Variants in FAM185A observed in about 807,000 individuals in gnomAD.
FAM185A encodes protein FAM185A.
FAM185A carries 21 observed loss-of-function variants against 45.7 expected under a neutral mutation model. That is an observed-to-expected ratio of 0.46 (90% CI 0.33 to 0.66). The LOEUF is 0.66. Ranked by LOEUF, FAM185A falls within the 30% of genes least tolerant of loss-of-function variation. The probability of loss-of-function intolerance (pLI) is 0.03; values close to 1 mark genes in which losing one functional copy is unlikely to be tolerated. For synonymous variants in FAM185A, 117 were observed against 194.0 expected (o/e 0.60, Z 3.30); for missense variants, 305 against 485.4 (o/e 0.63, Z 3.49).
At chr7:102,835,988 A>G in the FAM185A span, among the ~76,000 whole-genome samples, 2 of 152,214 alleles carry the variant, frequency 1.3e-5, no homozygotes, top group Non-Finnish European at 2.9e-5. Context: ...GAGAAAAATT[A>G]AAGCAAGAAA....
chr7:102,833,079 T>C, the FAM185A span: 1 of 1,213,366 alleles, frequency 8.2e-7, no homozygotes, highest in South Asian at 1.6e-5. Context: ...GAAATACAGA[T>C]GTTAGATCTT....
chr7:102,810,927 ACTT>A (rs1364572344), downstream of FAM185A, among the ~76,000 whole-genome samples: 2 of 152,100 alleles, frequency 1.3e-5, no homozygotes, highest in African/African-American at 4.8e-5. Context: ...TCTGTTTTTA[ACTT>A]CTTATTTATG....
chr7:102,789,951 C>T (rs1796050724), intron 7 of FAM185A, among the ~76,000 whole-genome samples: 2 of 152,160 alleles, frequency 1.3e-5, no homozygotes, highest in Non-Finnish European at 1.5e-5. Flanking sequence ...TCACTTTCAC[C>T]TCCACATCTT....
the FAM185A span, among the ~76,000 whole-genome samples, chr7:102,850,560 T>C: frequency 6.6e-6 from 1 of 152,226 alleles, no homozygotes; most frequent in South Asian, 2.1e-4. Flanking sequence ...ATCATATTCA[T>C]AGATAAAACT....
At chr7:102,792,449 CT>C (rs1796192721) in intron 7 of FAM185A, among the ~76,000 whole-genome samples, 1 of 103,284 alleles carries the variant, frequency 9.7e-6, no homozygotes, top group South Asian at 3.8e-4. Flanking sequence ...TTGTGAGTGG[CT>C]TAGGTAAGAT....
At chr7:102,756,327 T>C (rs928476468) in intron 2 of FAM185A, among the ~76,000 whole-genome samples, 2 of 152,124 alleles carry the variant, frequency 1.3e-5, no homozygotes, top group Non-Finnish European at 2.9e-5. Context: ...ACTAAAGACA[T>C]ATATAATGAT....
intron 7 of FAM185A, among the ~76,000 whole-genome samples, chr7:102,787,721 T>C (rs1795894919): frequency 1.3e-5 from 2 of 152,268 alleles, no homozygotes; most frequent in Non-Finnish European, 2.9e-5. Context: ...TTAAATTTTC[T>C]AGAAGAGCTG....
intron 7 of FAM185A, among the ~76,000 whole-genome samples, chr7:102,800,624 A>C (rs1341843968): frequency 1.3e-5 from 2 of 152,082 alleles, no homozygotes; most frequent in Non-Finnish European, 2.9e-5. Flanking sequence ...AATAGAATTG[A>C]ATAAGTAGAA....
At chr7:102,845,108 T>C in the FAM185A span, among the ~76,000 whole-genome samples, 10 of 152,102 alleles carry the variant, frequency 6.6e-5, no homozygotes, top group Admixed American at 4.6e-4. Flanking sequence ...CTTCGTCATA[T>C]AGACACCATC....
chr7:102,797,537 G>A (rs1053656337), intron 7 of FAM185A, among the ~76,000 whole-genome samples: 3 of 152,162 alleles, frequency 2.0e-5, no homozygotes, highest in East Asian at 1.9e-4. Flanking sequence ...ATTGTATGTG[G>A]TGTTAAAGGT....
the FAM185A span, among the ~76,000 whole-genome samples, chr7:102,841,973 C>T: frequency 6.6e-6 from 1 of 152,318 alleles, no homozygotes; most frequent in Admixed American, 6.5e-5. Context: ...CAGAGGAATT[C>T]CTTAGTTTCC....
chr7:102,825,903 T>C, the FAM185A span, among the ~76,000 whole-genome samples: 1 of 152,222 alleles, frequency 6.6e-6, no homozygotes, highest in African/African-American at 2.4e-5. Context: ...CGAGCCTCAG[T>C]TTCCCCATTT....
the FAM185A span, among the ~76,000 whole-genome samples, chr7:102,837,362 A>T: frequency 6.6e-6 from 1 of 152,238 alleles, no homozygotes; most frequent in Non-Finnish European, 1.5e-5. Flanking sequence ...ACATGGAGAG[A>T]ACTCTGAAAG....
chr7:102,811,744 A>G (rs1797449572), downstream of FAM185A, among the ~76,000 whole-genome samples: 2 of 152,152 alleles, frequency 1.3e-5, no homozygotes, highest in African/African-American at 4.8e-5. Flanking sequence ...GCTGCCAGAA[A>G]TTTCCAAATT....
At chr7:102,760,761 A>C (rs1255150752) in intron 3 of FAM185A, among the ~76,000 whole-genome samples, 2 of 152,110 alleles carry the variant, frequency 1.3e-5, no homozygotes, top group African/African-American at 2.4e-5. Flanking sequence ...AAGAAAGAAA[A>C]AGCAGGAAAA....
the FAM185A span, among the ~76,000 whole-genome samples, chr7:102,833,357 A>AG: frequency 2.6e-5 from 4 of 152,132 alleles, no homozygotes; most frequent in Non-Finnish European, 4.4e-5. Context: ...GGAATCAGAC[A>AG]GACCCGAGTT....
chr7:102,783,889 G>C lies in FAM185A; in HGVS notation c.932-3446G>C, dbSNP rs1164515710. ...AAAACCCTTCAAAAAATCAATGAAT[G>C]CAGGAGCTGGTTTTTTGAAAAGATC... On this transcript the variant is annotated intron_variant, in intron 6 of 7. Coordinates refer to ENST00000413034, the MANE Select transcript of FAM185A (RefSeq NM_001145268.2). Among the ~76,000 whole-genome samples, 997 of 152,154 alleles carry C rather than the reference G, an allele frequency of 6.6e-3. 9 individuals carry two copies. Among genetic ancestry groups the C allele is most frequent in the African/African-American group, 0.023 (942 of 41,512 alleles).
chr7:102,749,223 T>A lies in FAM185A; in HGVS notation c.16T>A (p.Ser6Thr), dbSNP rs1187120149. ...GAGGCGCGCCATGCTTGCCCCCTGC[T>A]CAGGTTGGGAGCTTGGCTGCTTCCG... is the stretch of plus-strand genomic sequence containing the variant. The part of the protein sequence containing the change: MLAPC[S>T]GWELGCFRLC... The change falls in exon 1 of 8, where the codon TCA becomes ACA. Residue 6 changes from serine (S) to threonine (T), a missense_variant. Ser to Thr is a moderately conservative substitution (Grantham distance 58). Coordinates refer to ENST00000413034, the MANE Select transcript of FAM185A (RefSeq NM_001145268.2). 1 of 1,551,166 alleles carries A rather than the reference T, an allele frequency of 6.4e-7. No homozygotes were observed. The highest frequency in any genetic ancestry group is 8.7e-7 in the Non-Finnish European group (1 of 1,146,906).
chr7:102,817,000 A>G, the FAM185A span, among the ~76,000 whole-genome samples: 4 of 152,168 alleles, frequency 2.6e-5, no homozygotes, highest in African/African-American at 7.2e-5. Flanking sequence ...TCTTTATCCA[A>G]TCCACCACTG....
Sources: allele counts gnomAD v4.1 joint callset (sites outside exome capture counted in the v4.1 genomes callset), GRCh38; gene constraint gnomAD v4.1.1; transcripts MANE v1.5; gene names NCBI Gene and HGNC (gene_info 2026-07-23, HGNC 2026-07-21).